The following PACRG variants were observed in gnomAD, a reference collection of about 807,000 sequenced individuals.
PACRG encodes the protein parkin coregulated.
PACRG carries 29 observed loss-of-function variants against 29.7 expected under a neutral mutation model. The observed-to-expected ratio is 0.98, with a 90% CI of 0.73 to 1.33. PACRG has a LOEUF of 1.33. Ranked by LOEUF, PACRG falls within the 40% of genes most tolerant of loss-of-function variation. The pLI is 0.00. For synonymous variants in PACRG, 116 were observed against 118.7 expected, an observed-to-expected ratio of 0.98 and a Z score of 0.15; for missense variants, 279 against 316.2, an observed-to-expected ratio of 0.88 and a Z score of 0.89.
chr6:162,849,309 A>G (rs778191581), intron 2 of PACRG, among the ~76,000 whole-genome samples: 20 of 152,228 alleles, frequency 1.3e-4, no homozygotes, highest in Non-Finnish European at 2.5e-4. Context: ...TAAGACGAGC[A>G]CGGAGACAGG....
intron 4 of PACRG, among the ~76,000 whole-genome samples, chr6:163,109,278 C>A (rs1815575940): frequency 6.6e-6 from 1 of 152,194 alleles, no homozygotes; most frequent in Non-Finnish European, 1.5e-5. Flanking sequence ...ATTACTTGTT[C>A]ATTTGCAACT....
At position 163,047,423 on chromosome 6, in the gene PACRG, A is replaced by C. The variant is rs570761967; in HGVS notation, c.292-14727A>C. On this transcript the variant is annotated intron_variant, in intron 2 of 4. Coordinates refer to ENST00000366888, the MANE Select transcript of PACRG (RefSeq NM_001080379.2). ...AAAGTTTTAGGAAATTCCTTTAACTATATGACAAGAGGTTGAGTGGGAATG... is the reference window on the plus strand; with the variant it reads ...AAAGTTTTAGGAAATTCCTTTAACTCTATGACAAGAGGTTGAGTGGGAATG... Among the ~76,000 whole-genome samples, 239 of 152,338 alleles carry C rather than the reference A, an allele frequency of 1.6e-3. 1 individual carries two copies. Among genetic ancestry groups the C allele is most frequent in the African/African-American group, 5.6e-3 (234 of 41,582 alleles).
rs186128327 is a variant in PACRG, at chr6:162,941,012, G to A, written c.292-121138G>A. Among the ~76,000 whole-genome samples, 806 of 151,094 alleles carry A rather than the reference G, an allele frequency of 5.3e-3. 2 individuals are homozygous for A. The highest frequency in any genetic ancestry group is 0.017 in the Middle Eastern group (5 of 294). On this transcript the variant is annotated intron_variant, in intron 2 of 4. Transcript: ENST00000366888. ...CTTCCTGGCATGTGTGTTTGTGTGTGTGCGCGTGTGTGTTTGTATATGTGT... is the reference window on the plus strand; with the variant it reads ...CTTCCTGGCATGTGTGTTTGTGTGTATGCGCGTGTGTGTTTGTATATGTGT...
rs140449521 is a variant in PACRG at position 163,024,440 on chromosome 6, A to G, written c.292-37710A>G. 5.9e-3 allele frequency among the ~76,000 whole-genome samples: 895 copies of G among 152,132 alleles called. 4 individuals carry two copies. The highest frequency in any genetic ancestry group is 0.015 in the African/African-American group (608 of 41,510). ...TTCTGTTCCATTGATCTATGTGTAT[A>G]TTTTTGTACCAGTACCATGCTGTTA... On this transcript the variant is annotated intron_variant, in intron 2 of 4. Coordinates refer to ENST00000366888, the MANE Select transcript of PACRG (RefSeq NM_001080379.2).
intron 2 of PACRG, among the ~76,000 whole-genome samples, chr6:162,898,023 C>T (rs530050215): frequency 6.6e-5 from 10 of 152,314 alleles, no homozygotes; most frequent in African/African-American, 2.4e-4. Flanking sequence ...TGTCTACATT[C>T]ACAGACACTT....
At chr6:162,890,591 C>G (rs1313090058) in intron 2 of PACRG, among the ~76,000 whole-genome samples, 2 of 152,200 alleles carry the variant, frequency 1.3e-5, no homozygotes, top group Non-Finnish European at 2.9e-5. Context: ...CTTAGCTTCC[C>G]CTCCTCAGGG....
chr6:162,807,189 G>A (rs1446019180), intron 1 of PACRG, among the ~76,000 whole-genome samples: 1 of 152,180 alleles, frequency 6.6e-6, no homozygotes, highest in East Asian at 1.9e-4. Flanking sequence ...TGGCTGGTTT[G>A]ATCTTCTATC....
At chr6:163,162,044 A>C (rs1341881853) in intron 4 of PACRG, among the ~76,000 whole-genome samples, 2 of 152,208 alleles carry the variant, frequency 1.3e-5, no homozygotes, top group Admixed American at 6.5e-5. Context: ...AGACACACAG[A>C]ACTGCATGGG....
At chr6:162,850,683 C>G (rs895231096) in intron 2 of PACRG, among the ~76,000 whole-genome samples, 4 of 152,230 alleles carry the variant, frequency 2.6e-5, no homozygotes, top group Non-Finnish European at 5.9e-5. Context: ...GCTCCACACC[C>G]TTTCCCCCAT....
intron 2 of PACRG, among the ~76,000 whole-genome samples, chr6:162,945,009 A>G (rs1053150248): frequency 6.6e-6 from 1 of 152,102 alleles, no homozygotes; most frequent in Non-Finnish European, 1.5e-5. Context: ...AGAAAGTGTA[A>G]AACCTATGGG....
intron 2 of PACRG, among the ~76,000 whole-genome samples, chr6:162,987,934 C>T (rs1006960463): frequency 2.0e-5 from 3 of 152,176 alleles, no homozygotes; most frequent in Non-Finnish European, 4.4e-5. Context: ...TTTTCTCCTT[C>T]CTTGGAGCAG....
At chr6:163,125,347 AT>A (rs1415802127) in intron 4 of PACRG, among the ~76,000 whole-genome samples, 1 of 152,226 alleles carries the variant, frequency 6.6e-6, no homozygotes, top group Non-Finnish European at 1.5e-5. Context: ...TGAGGAAGCC[AT>A]TTTCAACCAC....
intron 4 of PACRG, among the ~76,000 whole-genome samples, chr6:163,264,783 C>A (rs1375010900): frequency 1.3e-5 from 2 of 152,146 alleles, no homozygotes; most frequent in African/African-American, 2.4e-5. Context: ...CTTTTAAACA[C>A]CTGAAATTGA....
chr6:163,150,085 C>CCCGCAAA (rs1384344606), intron 4 of PACRG, among the ~76,000 whole-genome samples: 5 of 152,228 alleles, frequency 3.3e-5, no homozygotes, highest in African/African-American at 1.2e-4. Context: ...TGGCCCTCAA[C>CCCGCAAA]CCGCAAACCG....
chr6:163,296,618 A>G (rs1206074940), intron 4 of PACRG, among the ~76,000 whole-genome samples: 1 of 152,152 alleles, frequency 6.6e-6, no homozygotes, highest in Non-Finnish European at 1.5e-5. Context: ...TTTTACATGG[A>G]GAATGTTTGG....
At chr6:162,966,109 G>A (rs942188543) in intron 2 of PACRG, among the ~76,000 whole-genome samples, 2 of 152,184 alleles carry the variant, frequency 1.3e-5, no homozygotes, top group African/African-American at 2.4e-5. Flanking sequence ...TTTGTTGAAC[G>A]AATAAATGCT....
chr6:162,813,465 T>C (rs931692465), intron 1 of PACRG, among the ~76,000 whole-genome samples: 10 of 152,054 alleles, frequency 6.6e-5, no homozygotes, highest in African/African-American at 2.4e-4. Context: ...TGTAAATAAC[T>C]CTATAGGGAA....
intron 2 of PACRG, among the ~76,000 whole-genome samples, chr6:163,039,773 C>T (rs1013988696): frequency 1.3e-5 from 2 of 152,144 alleles, no homozygotes; most frequent in African/African-American, 4.8e-5. Flanking sequence ...TGTGGCCTGG[C>T]TTTTTCTGAA....
At chr6:163,113,320 C>T (rs545848177) in intron 4 of PACRG, among the ~76,000 whole-genome samples, 4 of 152,142 alleles carry the variant, frequency 2.6e-5, no homozygotes, top group East Asian at 1.9e-4. Context: ...AGAGAGAAAG[C>T]GGTAGAGAAG....
Sources: allele counts gnomAD v4.1 joint callset (sites outside exome capture counted in the v4.1 genomes callset), GRCh38; gene constraint gnomAD v4.1.1; transcripts MANE v1.5; gene names NCBI Gene and HGNC (gene_info 2026-07-23, HGNC 2026-07-21).